CPNE5: variants seen among roughly 807,000 people sequenced by gnomAD.
The protein encoded by CPNE5 is copine 5.
Under a neutral mutation model 81.1 loss-of-function variants are expected in CPNE5, and 42 were observed. The observed-to-expected ratio is 0.52, with a 90% CI of 0.40 to 0.67. The LOEUF (loss-of-function observed/expected upper bound fraction) is 0.67, where lower values mean the gene tolerates loss of function less well. Among genes scored for constraint, CPNE5 ranks in the 30% least tolerant of loss-of-function variants. The probability of loss-of-function intolerance (pLI) is 0.00; values close to 1 mark genes in which losing one functional copy is unlikely to be tolerated. For synonymous variants in CPNE5, 313 were observed against 321.5 expected (o/e 0.97, Z 0.28); for missense variants, 612 against 815.5 (o/e 0.75, Z 3.04).
At chr6:36,763,951 G>A (rs1184731003) in intron 11 of CPNE5, among the ~76,000 whole-genome samples, 1 of 152,134 alleles carries the variant, frequency 6.6e-6, no homozygotes, top group Non-Finnish European at 1.5e-5. Context: ...CTTGTACATG[G>A]CAGAACTCCC....
intron 13 of CPNE5, among the ~76,000 whole-genome samples, chr6:36,753,831 CT>C (rs1765105641): frequency 6.6e-6 from 1 of 152,238 alleles, no homozygotes; most frequent in Admixed American, 6.5e-5. Flanking sequence ...AAATGAAAGC[CT>C]GGCATCCTAG....
intron 2 of CPNE5, 77 bp downstream of exon 2, chr6:36,822,981 G>T: frequency 2.3e-6 from 3 of 1,284,860 alleles, no homozygotes; most frequent in Non-Finnish European, 3.2e-6. Flanking sequence ...GCTCAGTAAG[G>T]GCTCAAGCAT....
Position 36,743,217 on chromosome 6 carries a change from G to A in CPNE5, c.1563+472C>T, listed in dbSNP as rs557903217. On this transcript the variant is annotated intron_variant, in intron 20 of 20. Coordinates refer to ENST00000244751, the MANE Select transcript of CPNE5 (RefSeq NM_020939.2). ...GCTTGCGGAGGGTGCATTCTTCCAC[G>A]TGAGACTGCATGGGAATTCCCTGAG... 6.1e-5 allele frequency: 60 copies of A among 985,396 alleles called. No homozygotes were observed. The African/African-American group carries it at 8.0e-4, about 13-fold the overall frequency. 61.0% of individuals were successfully genotyped at this position (985,396 alleles called of 1,614,324 possible).
chr6:36,816,256 C>T (rs1019298155), intron 3 of CPNE5, among the ~76,000 whole-genome samples: 2 of 152,086 alleles, frequency 1.3e-5, no homozygotes, highest in Non-Finnish European at 2.9e-5. Flanking sequence ...TGCAGAAGGC[C>T]CTGGCAGGAC....
chr6:36,817,299 C>T (rs565443619), intron 3 of CPNE5, among the ~76,000 whole-genome samples: 9 of 151,980 alleles, frequency 5.9e-5, no homozygotes, highest in South Asian at 4.2e-4. Flanking sequence ...CACTCCAGCC[C>T]GGGCAAAAAG....
At chr6:36,791,314 A>G (rs184081527) in intron 8 of CPNE5, among the ~76,000 whole-genome samples, 101 of 152,330 alleles carry the variant, frequency 6.6e-4, no homozygotes, top group Middle Eastern at 3.4e-3. Flanking sequence ...TTCCTCATCC[A>G]TAGAATGGGA....
intron 8 of CPNE5, among the ~76,000 whole-genome samples, chr6:36,783,489 C>T (rs1422057979): frequency 6.6e-6 from 1 of 151,020 alleles, no homozygotes; most frequent in African/African-American, 2.4e-5. Context: ...GAGGAAGGCA[C>T]TGTTATTATT....
chr6:36,810,958 C>A (rs1487684968), intron 3 of CPNE5, among the ~76,000 whole-genome samples: 2 of 152,146 alleles, frequency 1.3e-5, no homozygotes. Flanking sequence ...CCCTATCTCG[C>A]CCAGAGACCA....
intron 8 of CPNE5, among the ~76,000 whole-genome samples, chr6:36,783,852 A>C (rs1768278175): frequency 6.6e-6 from 1 of 152,200 alleles, no homozygotes; most frequent in African/African-American, 2.4e-5. Context: ...CAAAGCACAG[A>C]GAGGTTAACA....
chr6:36,807,872 A>G (rs1770739695), intron 3 of CPNE5, among the ~76,000 whole-genome samples: 1 of 151,924 alleles, frequency 6.6e-6, no homozygotes, highest in South Asian at 2.1e-4. Flanking sequence ...GCCGCAGAAA[A>G]CCTAAGGTTT....
At chr6:36,781,528 G>T (rs1237839488) in intron 8 of CPNE5, among the ~76,000 whole-genome samples, 1 of 152,144 alleles carries the variant, frequency 6.6e-6, no homozygotes, top group Non-Finnish European at 1.5e-5. Context: ...CTCCAGAAAA[G>T]TCCCTAGGCT....
rs566850141 is a variant in CPNE5 at position 36,816,763 on chromosome 6, C to A, written c.183+5351G>T. The stretch of plus-strand genomic sequence containing the variant: ...AATCGAGCAAGGAATTACAGCCCCT[C>A]TCCCGTCCCCAGTATGTTTGTTTGT... On this transcript the variant is annotated intron_variant, in intron 3 of 20. Transcript: ENST00000244751. Among the ~76,000 whole-genome samples, 146 of 152,344 alleles carry A rather than the reference C, an allele frequency of 9.6e-4. 2 individuals carry two copies. The highest frequency in any genetic ancestry group is 1.6e-3 in the Non-Finnish European group (109 of 68,038).
chr6:36,757,234 G>T, intron 12 of CPNE5: 1 of 702,116 alleles, frequency 1.4e-6, no homozygotes, highest in Non-Finnish European at 1.8e-6. Flanking sequence ...GGAAGTCTAG[G>T]CACAACTTTT....
chr6:36,770,519 C>T (rs866603429), intron 10 of CPNE5, among the ~76,000 whole-genome samples: 11 of 152,142 alleles, frequency 7.2e-5, no homozygotes, highest in Middle Eastern at 3.2e-3. Context: ...TCATCAGGCC[C>T]GGGTTCTCAT....
chr6:36,839,680 A>T, upstream of CPNE5: 1 of 141,102 alleles, frequency 7.1e-6, no homozygotes. The surrounding 1 kb of genome is among the most constrained non-coding windows in gnomAD (Gnocchi z 7.3). Context: ...GCGCGGGGAG[A>T]GGGGCTCGGG....
chr6:36,819,754 G>A (rs1202133104), intron 3 of CPNE5, among the ~76,000 whole-genome samples: 1 of 152,080 alleles, frequency 6.6e-6, no homozygotes, highest in East Asian at 1.9e-4. Flanking sequence ...CTTCATAGCT[G>A]CCTCCTACCC....
At chr6:36,749,732 A>T (rs2150370691) in intron 14 of CPNE5, among the ~76,000 whole-genome samples, 1 of 152,308 alleles carries the variant, frequency 6.6e-6, no homozygotes, top group South Asian at 2.1e-4. Flanking sequence ...GCATGAAACA[A>T]GACTGGCTAT....
chr6:36,761,226 C>T (rs973494769), intron 12 of CPNE5, among the ~76,000 whole-genome samples: 6 of 152,126 alleles, frequency 3.9e-5, no homozygotes, highest in Middle Eastern at 3.4e-3. Context: ...GGCGGGGGAG[C>T]GGGGACAAAG....
At chr6:36,819,551 G>A (rs1220455953) in intron 3 of CPNE5, among the ~76,000 whole-genome samples, 3 of 152,192 alleles carry the variant, frequency 2.0e-5, no homozygotes, top group African/African-American at 4.8e-5. Flanking sequence ...GTCCACCAAC[G>A]AAGAAGGGAA....
Sources: allele counts gnomAD v4.1 joint callset (sites outside exome capture counted in the v4.1 genomes callset), GRCh38; gene constraint gnomAD v4.1.1; non-coding constraint Gnocchi (gnomAD v3.1); transcripts MANE v1.5; gene names NCBI Gene and HGNC (gene_info 2026-07-23, HGNC 2026-07-21).